Variants in ZNF84 observed in about 807,000 individuals in gnomAD.
ZNF84 encodes zinc finger protein 84.
Under a neutral mutation model 14.8 loss-of-function variants are expected in ZNF84, and 12 were observed. That is an observed-to-expected ratio of 0.81 (90% CI 0.52 to 1.31). The LOEUF (loss-of-function observed/expected upper bound fraction) is 1.31. ZNF84 is among the 50% of genes most tolerant of loss of function. The probability of loss-of-function intolerance (pLI) is 0.00; values close to 1 mark genes in which losing one functional copy is unlikely to be tolerated. For missense variants in ZNF84, 859 were observed against 878.6 expected (o/e 0.98, Z 0.28); for synonymous variants, 347 against 291.1 (o/e 1.19, Z -1.96).
At chr12:133,041,187 T>A in intron 1 of ZNF84, 91 bp from the exon 2 acceptor site, 1 of 466,294 alleles carries the variant, frequency 2.1e-6, no homozygotes, top group Non-Finnish European at 3.8e-6. Flanking sequence ...CCTCTGGCCT[T>A]AGATGATCGT....
chr12:133,046,564 A>G (rs943590648), intron 2 of ZNF84, among the ~76,000 whole-genome samples: 4 of 151,660 alleles, frequency 2.6e-5, no homozygotes, highest in East Asian at 1.9e-4. Flanking sequence ...CTTAGTTACT[A>G]TAAGTTTATT....
rs2137428760 is a variant in ZNF84, at chr12:133,059,055, A to G, written c.*123A>G. ...TACTCCATGAGGATGAGAACTCTAA[A>G]TGAGGTGGTGTATGGAAAGCCGATC... is the stretch of plus-strand genomic sequence containing the variant. On this transcript the variant is annotated 3_prime_UTR_variant, in exon 5 of 5. Coordinates refer to ENST00000539354, the MANE Select transcript of ZNF84 (RefSeq NM_001289971.2). The G allele has an allele frequency of 2.1e-6, 2 of 959,216 alleles. No homozygotes were observed. The highest frequency in any genetic ancestry group is 5.1e-5 in the Admixed American group (2 of 39,448). The allele number at this position is 959,216 out of a possible 1,614,324, so 59.4% of individuals were successfully genotyped here. A position where few individuals can be genotyped will look rare whatever the true frequency, so the allele number is the denominator to read the frequency against.
Position 133,058,278 on chromosome 12 carries a change from G to A in ZNF84, c.1563G>A (p.Gly521=), listed in dbSNP as rs1954197419. The A allele has an allele frequency of 1.2e-6, 2 of 1,613,992 alleles. No individual in the cohort carries two copies. The highest frequency in any genetic ancestry group is 2.7e-5 in the African/African-American group (2 of 74,974). ...AACCATATGTATGCAGTGAATGTGG[G>A]AAAGCCTTTTGTCAGAAGTCACATC... ...GEKPYVCSEC[G]KAFCQKSHLI... is the part of the protein sequence containing the mutation. The change falls in exon 5 of 5, where the codon GGG becomes GGA. Residue 521 remains glycine (G), a synonymous_variant. Transcript: ENST00000539354.
At position 133,061,779 on chromosome 12, in the gene ZNF84, A is replaced by G. The variant is rs1311679482; in HGVS notation, c.*2847A>G. ...CATTTTTTTCTAAATGTCAGGTGTTATGGGGAGGATTGATGCTGACAGCAG... is the reference window on the plus strand; with the variant it reads ...CATTTTTTTCTAAATGTCAGGTGTTGTGGGGAGGATTGATGCTGACAGCAG... On this transcript the variant is annotated 3_prime_UTR_variant, in exon 5 of 5. Coordinates refer to ENST00000539354, the MANE Select transcript of ZNF84 (RefSeq NM_001289971.2). 6.6e-6 allele frequency: 1 copy of G among 152,174 alleles called. No individual in the cohort carries two copies. Among genetic ancestry groups the G allele is most frequent in the African/African-American group, 2.4e-5 (1 of 41,448 alleles). The allele number at this position is 152,174 out of a possible 1,614,324, so 9.4% of individuals were successfully genotyped here.
At chr12:133,051,251 G>A (rs1954063931) in intron 4 of ZNF84, among the ~76,000 whole-genome samples, 1 of 152,076 alleles carries the variant, frequency 6.6e-6, no homozygotes, top group Non-Finnish European at 1.5e-5. Flanking sequence ...AGTAAGACCA[G>A]AAAATAAGTT....
chr12:133,057,083 T>G lies in ZNF84; in HGVS notation c.368T>G (p.Leu123Ter). The G allele has an allele frequency of 3.1e-6, 5 of 1,613,680 alleles. No homozygotes were observed. Among genetic ancestry groups the G allele is most frequent in the Non-Finnish European group, 4.2e-6 (5 of 1,179,906 alleles). Residue 123 changes from leucine (L) to a stop codon, truncating the protein, a stop_gained, in exon 5 of 5, where the codon TTA becomes TGA. Coordinates refer to ENST00000539354, the MANE Select transcript of ZNF84 (RefSeq NM_001289971.2). LOFTEE classifies it low-confidence loss of function (END_TRUNC). Reference sequence around the variant, plus strand: ...AATCTGAACATGAACTTTGTTCCTTTAAGGAAATCAAACAGTGAAGGTGAC... The same window carrying G: ...AATCTGAACATGAACTTTGTTCCTTGAAGGAAATCAAACAGTGAAGGTGAC... ...NFNLNMNFVP[L>*]RKSNSEGDLD...
chr12:133,059,384 G>C lies in ZNF84; in HGVS notation c.*452G>C, dbSNP rs613639. On this transcript the variant is annotated 3_prime_UTR_variant, in exon 5 of 5. Coordinates refer to ENST00000539354, the MANE Select transcript of ZNF84 (RefSeq NM_001289971.2). The stretch of plus-strand genomic sequence containing the variant: ...AATATGGGACAGTGCAACAAGTAAC[G>C]AGACTATTTTGTATTTTGGAGAATT... 175,118 of 187,868 alleles carry C rather than the reference G, an allele frequency of 0.93. 81,873 individuals are homozygous for C. Among genetic ancestry groups the C allele is most frequent in the East Asian group, 1 (7,642 of 7,652 alleles). The allele number at this position is 187,868 out of a possible 1,614,324, so 11.6% of individuals were successfully genotyped here. A position where few individuals can be genotyped will look rare whatever the true frequency, so the allele number is the denominator to read the frequency against.
chr12:133,054,193 A>G (rs1171300532), intron 4 of ZNF84, among the ~76,000 whole-genome samples: 2 of 152,022 alleles, frequency 1.3e-5, no homozygotes, highest in African/African-American at 2.4e-5. Context: ...AGCAGCCTGG[A>G]CAACATAGGG....
At chr12:133,053,203 A>G (rs1238828011) in intron 4 of ZNF84, among the ~76,000 whole-genome samples, 1 of 152,224 alleles carries the variant, frequency 6.6e-6, no homozygotes, top group African/African-American at 2.4e-5. Context: ...GAGTGGGACT[A>G]TTTGGGATAC....
rs910435835 is a variant in ZNF84 at position 133,057,455 on chromosome 12, A to C, written c.740A>C (p.Lys247Thr). 1 of 1,614,226 alleles carries C rather than the reference A, an allele frequency of 6.2e-7. No homozygotes were observed. Among genetic ancestry groups the C allele is most frequent in the Non-Finnish European group, 8.5e-7 (1 of 1,180,038 alleles). ...AATTGTGGCAAAACCTTTCCCCAGA[A>C]GTCTCAGTTTATTACACATCACAGA... ...CGNCGKTFPQ[K>T]SQFITHHRTH... The change falls in exon 5 of 5, where the codon AAG becomes ACG. Residue 247 changes from lysine to threonine, a missense_variant. Coordinates refer to ENST00000539354, the MANE Select transcript of ZNF84 (RefSeq NM_001289971.2).
chr12:133,043,589 A>T (rs1953924171), intron 2 of ZNF84, among the ~76,000 whole-genome samples: 1 of 152,168 alleles, frequency 6.6e-6, no homozygotes, highest in Admixed American at 6.5e-5. Context: ...GCATGACAGA[A>T]TCTATCAAGG....
At chr12:133,047,192 A>G (rs1334848514) in intron 2 of ZNF84, among the ~76,000 whole-genome samples, 2 of 151,954 alleles carry the variant, frequency 1.3e-5, no homozygotes, top group African/African-American at 4.8e-5. Flanking sequence ...AAAGTCACCT[A>G]TTCCAGTTTG....
At chr12:133,055,461 T>C (rs2137408471) in intron 4 of ZNF84, among the ~76,000 whole-genome samples, 1 of 152,264 alleles carries the variant, frequency 6.6e-6, no homozygotes, top group South Asian at 2.1e-4. Context: ...AGAGGTAATA[T>C]TTCTTAATTC....
Position 133,055,211 on chromosome 12 carries a change from A to G in ZNF84, c.239-1743A>G, listed in dbSNP as rs2137406932. ...AAATTATTCCATGTCAAGTGCCTAG[A>G]ATAATTGTTCATGACATACTGTGAA... On this transcript the variant is annotated intron_variant, in intron 4 of 4. Transcript: ENST00000539354. Among the ~76,000 whole-genome samples the G allele has an allele frequency of 1.3e-5, 2 of 152,258 alleles. 1 individual carries two copies. The highest frequency in any genetic ancestry group is 3.9e-4 in the East Asian group (2 of 5,188).
intron 2 of ZNF84, among the ~76,000 whole-genome samples, chr12:133,043,939 T>TC (rs147703880): frequency 0.13 from 19,369 of 150,522 alleles, 1,476 homozygotes; most frequent in South Asian, 0.22. Flanking sequence ...TTTTTTTTTT[T>TC]TTCCAGTAGA....
At chr12:133,040,050 GT>G (rs1953859549) in intron 1 of ZNF84, among the ~76,000 whole-genome samples, 3 of 151,992 alleles carry the variant, frequency 2.0e-5, no homozygotes, top group Non-Finnish European at 4.4e-5. Flanking sequence ...CATCATGTTG[GT>G]CAGGCTGGTT....
chr12:133,055,243 A>G lies in ZNF84; in HGVS notation c.239-1711A>G, dbSNP rs1954133909. Among the ~76,000 whole-genome samples, 5 of 152,262 alleles carry G rather than the reference A, an allele frequency of 3.3e-5. No individual in the cohort carries two copies. In the South Asian group the frequency reaches 1.0e-3, roughly 32 times the overall value. The stretch of plus-strand genomic sequence containing the variant: ...GTTCATGACATACTGTGAAATAGAA[A>G]ATACTGATAGAGATGGATTACAAAA... On this transcript the variant is annotated intron_variant, in intron 4 of 4. Transcript: ENST00000539354.
chr12:133,063,256 G>T lies in ZNF84; in HGVS notation c.*4324G>T, dbSNP rs1447280871. ...CATGTCTTGATTGTTGAATTCTTCT[G>T]TGAGATACTCCAAATATCCTAATAA... is the stretch of plus-strand genomic sequence containing the variant. On this transcript the variant is annotated 3_prime_UTR_variant, in exon 5 of 5. Coordinates refer to ENST00000539354, the MANE Select transcript of ZNF84 (RefSeq NM_001289971.2). 8.5e-6 allele frequency: 6 copies of T among 702,182 alleles called. No homozygotes were observed. Among genetic ancestry groups the T allele is most frequent in the Non-Finnish European group, 1.6e-5 (6 of 384,824 alleles). 43.5% of individuals were successfully genotyped at this position (702,182 alleles called of 1,614,324 possible).
At chr12:133,051,053 A>T (rs1371631648) in intron 4 of ZNF84, among the ~76,000 whole-genome samples, 1 of 150,922 alleles carries the variant, frequency 6.6e-6, no homozygotes, top group East Asian at 1.9e-4. Flanking sequence ...TCCTGAGTAG[A>T]TGGGACTACA....
Sources: allele counts gnomAD v4.1 joint callset (sites outside exome capture counted in the v4.1 genomes callset), GRCh38; gene constraint gnomAD v4.1.1; transcripts MANE v1.5; gene names NCBI Gene and HGNC (gene_info 2026-07-23, HGNC 2026-07-21).